Variants in BEGAIN observed in about 807,000 individuals in gnomAD.
The protein encoded by BEGAIN is brain enriched guanylate kinase associated.
BEGAIN carries 19 observed loss-of-function variants against 35.8 expected under a neutral mutation model. That is an observed-to-expected ratio of 0.53 (90% CI 0.37 to 0.78). The LOEUF (loss-of-function observed/expected upper bound fraction) is 0.78. Among genes scored for constraint, BEGAIN ranks in the 30% least tolerant of loss-of-function variants. The probability of loss-of-function intolerance (pLI) is 0.00; values close to 1 mark genes in which losing one functional copy is unlikely to be tolerated. For synonymous variants in BEGAIN, 462 were observed against 388.6 expected, an observed-to-expected ratio of 1.19 and a Z score of -2.22; for missense variants, 795 against 853.6, an observed-to-expected ratio of 0.93 and a Z score of 0.85.
Position 100,539,268 on chromosome 14 carries a change from G to A in BEGAIN, c.540C>T (p.His180=), listed in dbSNP as rs141197323. Residue 180 remains histidine (H), a synonymous_variant, in exon 7 of 7, where the codon CAC becomes CAT. Coordinates refer to ENST00000554140, the MANE Select transcript of BEGAIN (RefSeq NM_001385089.1). ...QERVSLHMEK[H]GCSLPSPLCH... ...AGAGCGGGGATGGCAGGCTGCAGCC[G>A]TGCTTCTCCATGTGCAGGCTCACGC... 1,043 of 1,585,596 alleles carry A rather than the reference G, an allele frequency of 6.6e-4. 2 individuals carry two copies. Among genetic ancestry groups the A allele is most frequent in the Non-Finnish European group, 8.3e-4 (974 of 1,166,670 alleles).
At position 100,537,599 on chromosome 14, in the gene BEGAIN, G is replaced by A. The variant is rs529243745; in HGVS notation, c.*370C>T. On this transcript the variant is annotated 3_prime_UTR_variant, in exon 7 of 7. Coordinates refer to ENST00000554140, the MANE Select transcript of BEGAIN (RefSeq NM_001385089.1). ...GCACCCTCGCCCAAAAAATAAAGGA[G>A]CTTTGTGTTGAAAACGCCAAGGCAG... 48 of 208,494 alleles carry A rather than the reference G, an allele frequency of 2.3e-4. No homozygotes were observed. Among genetic ancestry groups the A allele is most frequent in the Non-Finnish European group, 4.3e-4 (45 of 104,488 alleles). 12.9% of individuals were successfully genotyped at this position (208,494 alleles called of 1,614,324 possible). A position where few individuals can be genotyped will look rare whatever the true frequency, so the allele number is the denominator to read the frequency against.
rs1273992651 is a variant in BEGAIN at position 100,568,453 on chromosome 14, A to G, written c.43-514T>C. The G allele has an allele frequency of 1.6e-6, 2 of 1,285,880 alleles. No individual in the cohort carries two copies. Among genetic ancestry groups the G allele is most frequent in the Non-Finnish European group, 2.0e-6 (2 of 986,956 alleles). The allele number at this position is 1,285,880 out of a possible 1,614,324, so 79.7% of individuals were successfully genotyped here. A position where few individuals can be genotyped will look rare whatever the true frequency, so the allele number is the denominator to read the frequency against. On this transcript the variant is annotated intron_variant, in intron 1 of 6. Transcript: ENST00000554140. The surrounding 1 kb of genome is among the most constrained non-coding windows in gnomAD (Gnocchi z 7.5). ...CAGAACCTGACACTCACACAATCCG[A>G]GGGCGATGGCATTTGGAGCCTCGAC...
intron 2 of BEGAIN, among the ~76,000 whole-genome samples, chr14:100,556,332 C>T (rs1199245752): frequency 3.6e-5 from 5 of 137,962 alleles, no homozygotes; most frequent in Non-Finnish European, 7.8e-5. Context: ...CAGCCGCAGC[C>T]CTGCCCCGCT....
At chr14:100,555,514 A>G (rs2033630987) in intron 2 of BEGAIN, among the ~76,000 whole-genome samples, 1 of 152,198 alleles carries the variant, frequency 6.6e-6, no homozygotes, top group South Asian at 2.1e-4. Flanking sequence ...CCATTCATTT[A>G]GTCCTCAGAC....
At position 100,573,788 on chromosome 14, in the gene BEGAIN, G is replaced by A. The variant is rs1025916567; in HGVS notation, c.43-5849C>T. Among the ~76,000 whole-genome samples, 2 of 152,076 alleles carry A rather than the reference G, an allele frequency of 1.3e-5. No homozygotes were observed. Among genetic ancestry groups the A allele is most frequent in the Non-Finnish European group, 2.9e-5 (2 of 68,004 alleles). ...GGGAGGCTCCAGGAGATGTGAACCTGGAAATGGCCAGATCAGAGGTGACAC... is the reference window on the plus strand; with the variant it reads ...GGGAGGCTCCAGGAGATGTGAACCTAGAAATGGCCAGATCAGAGGTGACAC... On this transcript the variant is annotated intron_variant, in intron 1 of 6. Transcript: ENST00000554140. The surrounding 1 kb of genome is among the most constrained non-coding windows in gnomAD (Gnocchi z 4.2).
At chr14:100,546,800 A>T (rs1286139018) in intron 2 of BEGAIN, 138 bp from the exon 3 acceptor site, 16 of 632,760 alleles carry the variant, frequency 2.5e-5, no homozygotes, top group South Asian at 2.4e-4. Flanking sequence ...ACACACACAC[A>T]CACACACACA....
chr14:100,540,243 C>T (rs951803446), intron 6 of BEGAIN: 4 of 533,606 alleles, frequency 7.5e-6, no homozygotes, highest in East Asian at 6.0e-5. Context: ...CAAAGGAAAC[C>T]GAGGGCAACC....
Position 100,538,493 on chromosome 14 carries a change from G to A in BEGAIN, c.1315C>T (p.Pro439Ser). The change falls in exon 7 of 7, where the codon CCC becomes TCC. Residue 439 changes from proline to serine, a missense_variant. Physicochemically the swap from Pro to Ser is moderately conservative, Grantham distance 74 (BLOSUM62 -1). Around this residue, in one of 3 missense-constraint regions of BEGAIN, gnomAD observed 664 missense variants for 647.7 expected, o/e 1.03. Coordinates refer to ENST00000554140, the MANE Select transcript of BEGAIN (RefSeq NM_001385089.1). The stretch of plus-strand genomic sequence containing the variant: ...GCGCCGATGTCCTCCACGCTCAGGG[G>A]ACGCCACTGGCCCCTCATGTCCTCC... ...PGEDMRGQWR[P>S]LSVEDIGAYS... is the part of the protein sequence containing the mutation. 6.5e-7 allele frequency: 1 copy of A among 1,545,694 alleles called. No homozygotes were observed. Among genetic ancestry groups the A allele is most frequent in the Non-Finnish European group, 8.7e-7 (1 of 1,151,382 alleles).
At chr14:100,581,128 A>G (rs2035307514) in intron 1 of BEGAIN, among the ~76,000 whole-genome samples, 1 of 152,008 alleles carries the variant, frequency 6.6e-6, no homozygotes, top group Non-Finnish European at 1.5e-5. Flanking sequence ...TCCCCTCCTC[A>G]TCTGTCAGGT....
chr14:100,561,186 C>G (rs2034221149), intron 2 of BEGAIN, among the ~76,000 whole-genome samples: 1 of 152,196 alleles, frequency 6.6e-6, no homozygotes, highest in African/African-American at 2.4e-5. Flanking sequence ...TGCGGAAGAG[C>G]TGGCCCCGCC....
At chr14:100,575,664 G>A (rs1050268712) in intron 1 of BEGAIN, among the ~76,000 whole-genome samples, 2 of 152,158 alleles carry the variant, frequency 1.3e-5, no homozygotes, top group African/African-American at 4.8e-5. Context: ...GGGTGCAGCA[G>A]GAGTTAGGCC....
intron 1 of BEGAIN, among the ~76,000 whole-genome samples, chr14:100,571,777 C>A (rs959235305): frequency 6.6e-6 from 1 of 152,224 alleles, no homozygotes; most frequent in African/African-American, 2.4e-5. Flanking sequence ...ACTGGCCACA[C>A]TGGCTGCCTT....
chr14:100,578,676 GCTT>G (rs1266826805), intron 1 of BEGAIN, among the ~76,000 whole-genome samples: 16 of 152,138 alleles, frequency 1.1e-4, no homozygotes, highest in African/African-American at 3.9e-4. Flanking sequence ...CCAACCTCCT[GCTT>G]CTTCTCTAGA....
At chr14:100,577,458 T>C (rs1276081592) in intron 1 of BEGAIN, 4 of 399,620 alleles carry the variant, frequency 1.0e-5, no homozygotes, top group Admixed American at 8.8e-5. Context: ...AGCTCAGGGC[T>C]GGGTCCTTCT....
At position 100,539,033 on chromosome 14, in the gene BEGAIN, G is replaced by A. The variant is rs751931340; in HGVS notation, c.775C>T (p.Arg259Trp). ...TCCACGCTAGGCCGCCGGTCTCGCC[G>A]CCGCTCCTCCGGGCAGTAGAGGGCT... Reference protein sequence around the residue: ...DTALYCPEERRRDRRPSVDAP... With the variant: ...DTALYCPEERWRDRRPSVDAP... Residue 259 changes from arginine (R) to tryptophan (W), a missense_variant, in exon 7 of 7, where the codon CGG becomes TGG. Arg to Trp is a moderately radical substitution (Grantham distance 101). This residue lies in a region of BEGAIN where 664 missense variants were observed against 647.7 expected (regional missense o/e 1.03). Transcript: ENST00000554140. 5 of 1,611,856 alleles carry A rather than the reference G, an allele frequency of 3.1e-6. No homozygotes were observed. The highest frequency in any genetic ancestry group is 4.2e-6 in the Non-Finnish European group (5 of 1,179,484).
rs532464433 is a variant in BEGAIN, at chr14:100,573,849, G to C, written c.43-5910C>G. Among the ~76,000 whole-genome samples, 4 of 152,058 alleles carry C rather than the reference G, an allele frequency of 2.6e-5. No individual in the cohort carries two copies. Among genetic ancestry groups the C allele is most frequent in the African/African-American group, 7.2e-5 (3 of 41,386 alleles). Reference sequence around the variant, plus strand: ...CTGGGGAGGCCGCCAGGGCAGCCACGGTGGGAGGCGACAGGGGCTGGGACA... The same window carrying C: ...CTGGGGAGGCCGCCAGGGCAGCCACCGTGGGAGGCGACAGGGGCTGGGACA... On this transcript the variant is annotated intron_variant, in intron 1 of 6. Coordinates refer to ENST00000554140, the MANE Select transcript of BEGAIN (RefSeq NM_001385089.1). The surrounding 1 kb of genome is among the most constrained non-coding windows in gnomAD (Gnocchi z 4.2).
At chr14:100,545,250 C>G (rs1188944374) in intron 3 of BEGAIN, 184 bp from the exon 4 acceptor site, 3 of 1,429,328 alleles carry the variant, frequency 2.1e-6, no homozygotes, top group East Asian at 2.5e-5. Context: ...TTAAAGCAAA[C>G]TTTTGTAGAA....
intron 1 of BEGAIN, chr14:100,569,051 G>C: frequency 3.1e-6 from 2 of 653,962 alleles, no homozygotes; most frequent in Non-Finnish European, 3.8e-6. Flanking sequence ...CGCCAAGCTA[G>C]AAGGCCCGGC....
chr14:100,570,646 A>G (rs542000639), intron 1 of BEGAIN, among the ~76,000 whole-genome samples: 1 of 152,282 alleles, frequency 6.6e-6, no homozygotes, highest in South Asian at 2.1e-4. Context: ...GATGCTCTCC[A>G]TGCAGGAGTG....
Sources: gnomAD v4.1 joint callset for allele counts (sites outside exome capture counted in the v4.1 genomes callset) on GRCh38, gnomAD v4.1.1 for gene constraint, gnomAD v4.1.1 regional missense constraint, Gnocchi (gnomAD v3.1) non-coding constraint, MANE v1.5 for transcripts, NCBI Gene and HGNC (gene_info 2026-07-23, HGNC 2026-07-21) for gene names.